Variants in RASGRP3 observed in about 807,000 individuals in gnomAD.
RASGRP3 encodes RAS guanyl releasing protein 3, also known as ras guanyl-releasing protein 3.
RASGRP3 carries 54 observed loss-of-function variants against 82.7 expected under a neutral mutation model. The ratio of observed to expected loss-of-function variants is 0.65; its 90% CI spans 0.52 to 0.82. RASGRP3 has a LOEUF of 0.82. RASGRP3 is among the 40% of genes least tolerant of loss of function. The pLI is 0.00. For missense variants in RASGRP3, 861 were observed against 828.9 expected, an observed-to-expected ratio of 1.04 and a Z score of -0.48; for synonymous variants, 309 against 300.5, an observed-to-expected ratio of 1.03 and a Z score of -0.29.
At chr2:33,558,611 C>T (rs1676281861) in intron 16 of RASGRP3, 61 bp from the exon 17 acceptor site, 4 of 1,429,400 alleles carry the variant, frequency 2.8e-6, no homozygotes, top group Non-Finnish European at 3.8e-6. Context: ...TTGCACTAAC[C>T]TTGATGCTTT....
upstream of RASGRP3, among the ~76,000 whole-genome samples, chr2:33,474,283 T>C (rs1667228969): frequency 6.6e-6 from 1 of 152,202 alleles, no homozygotes; most frequent in Non-Finnish European, 1.5e-5. Flanking sequence ...TTCTCATTAA[T>C]GGTTTGGTAC....
chr2:33,461,382 C>G (rs10779916), intron 2 of RASGRP3, among the ~76,000 whole-genome samples: 125,734 of 152,254 alleles, frequency 0.83, 52,143 homozygotes, highest in African/African-American at 0.89. Context: ...GGGTTCAAGT[C>G]ATTCTCCTGC....
chr2:33,524,154 G>A (rs1475709025), intron 8 of RASGRP3, 102 bp downstream of exon 8: 27 of 1,339,682 alleles, frequency 2.0e-5, no homozygotes, highest in Admixed American at 8.6e-5. Flanking sequence ...TAAGGGCATC[G>A]GACAACTAAA....
At chr2:33,477,998 G>A (rs1299574428) in intron 1 of RASGRP3, among the ~76,000 whole-genome samples, 3 of 151,944 alleles carry the variant, frequency 2.0e-5, no homozygotes, top group African/African-American at 2.4e-5. Context: ...GTTTTCTTTC[G>A]CCCTCTGCCC....
chr2:33,549,943 A>G (rs1265387527), intron 14 of RASGRP3, among the ~76,000 whole-genome samples, 192 bp downstream of exon 14: 2 of 152,252 alleles, frequency 1.3e-5, no homozygotes, highest in Non-Finnish European at 2.9e-5. Context: ...CAGGGCTAGC[A>G]AAAACAGGGA....
At chr2:33,494,109 A>G (rs1669095946) in intron 1 of RASGRP3, among the ~76,000 whole-genome samples, 1 of 152,154 alleles carries the variant, frequency 6.6e-6, no homozygotes, top group South Asian at 2.1e-4. Flanking sequence ...TCACCTTATC[A>G]TTTTGGCCTT....
At position 33,562,730 on chromosome 2, in the gene RASGRP3, A is replaced by G. The variant is rs1188905604; in HGVS notation, c.2066A>G (p.Asp689Gly). Residue 689 changes from aspartate to glycine, a missense_variant and splice_region_variant, in exon 18 of 18, where the codon GAT becomes GGT. By Grantham distance (94) the Asp-to-Gly change is moderately conservative (BLOSUM62 -1). Transcript: ENST00000403687. ...EGEETRQDGE[D>G]G is the part of the protein sequence containing the mutation. Reference sequence around the variant, plus strand: ...AATAGGTTCCAATTTGTGTTTCAGGATGGCTGACTTCAGGCTGCGGAAACT... The same window carrying G: ...AATAGGTTCCAATTTGTGTTTCAGGGTGGCTGACTTCAGGCTGCGGAAACT... The G allele has an allele frequency of 6.2e-7, 1 of 1,613,582 alleles. No homozygotes were observed. Among genetic ancestry groups the G allele is most frequent in the East Asian group, 2.2e-5 (1 of 44,898 alleles).
At chr2:33,500,783 AAGT>A (rs1366461601) in intron 1 of RASGRP3, among the ~76,000 whole-genome samples, 1 of 151,946 alleles carries the variant, frequency 6.6e-6, no homozygotes, top group Middle Eastern at 3.2e-3. Context: ...AAAATACAAA[AAGT>A]AGCCGGACAT....
At chr2:33,467,209 A>C (rs527589143) in intron 2 of RASGRP3, among the ~76,000 whole-genome samples, 1 of 152,144 alleles carries the variant, frequency 6.6e-6, no homozygotes, top group African/African-American at 2.4e-5. Context: ...CACATTGAAC[A>C]CCGGCACTAT....
At position 33,563,107 on chromosome 2, in the gene RASGRP3, A is replaced by ATCCTT. The variant is rs1388282899; in HGVS notation, c.*373_*377dup. On this transcript the variant is annotated 3_prime_UTR_variant, in exon 18 of 18. Coordinates refer to ENST00000403687, the MANE Select transcript of RASGRP3 (RefSeq NM_001139488.2). ...CAGACTTCGCTTTTTTTGTGAGACT[A>ATCCTT]TCCTTTCAATATTTTTATAAACTTT... 2 of 237,440 alleles carry ATCCTT rather than the reference A, an allele frequency of 8.4e-6. No individual in the cohort carries two copies. The highest frequency in any genetic ancestry group is 5.6e-5 in the Admixed American group (1 of 17,908). The allele number at this position is 237,440 out of a possible 1,614,324, so 14.7% of individuals were successfully genotyped here.
At chr2:33,463,201 C>T (rs1016802536) in intron 2 of RASGRP3, among the ~76,000 whole-genome samples, 5 of 152,104 alleles carry the variant, frequency 3.3e-5, no homozygotes, top group African/African-American at 4.8e-5. Context: ...GTGGCATGAA[C>T]GCTAAATTTT....
At chr2:33,547,469 T>C (rs1285460365) in intron 13 of RASGRP3, among the ~76,000 whole-genome samples, 1 of 141,882 alleles carries the variant, frequency 7.0e-6, no homozygotes, top group Non-Finnish European at 1.5e-5. Flanking sequence ...TTCTCAAGCC[T>C]GGGGGAAAAT....
chr2:33,485,886 G>T (rs1244093694), intron 1 of RASGRP3, among the ~76,000 whole-genome samples: 1 of 152,198 alleles, frequency 6.6e-6, no homozygotes, highest in African/African-American at 2.4e-5. Flanking sequence ...TACAAAGATG[G>T]CTGAGACATG....
chr2:33,483,932 T>G (rs150564945), intron 1 of RASGRP3, among the ~76,000 whole-genome samples: 1 of 152,254 alleles, frequency 6.6e-6, no homozygotes, highest in Non-Finnish European at 1.5e-5. Flanking sequence ...GTTAATGAAT[T>G]GACCAAAAGG....
At chr2:33,467,873 C>G (rs1666793096) in intron 2 of RASGRP3, among the ~76,000 whole-genome samples, 1 of 152,220 alleles carries the variant, frequency 6.6e-6, no homozygotes, top group South Asian at 2.1e-4. Flanking sequence ...CGCCCTCTTC[C>G]TGTATCCTTG....
chr2:33,454,810 T>A (rs918232972), intron 2 of RASGRP3, among the ~76,000 whole-genome samples: 4 of 152,224 alleles, frequency 2.6e-5, no homozygotes. Flanking sequence ...TAACTGCTAA[T>A]AGGTTGTAAG....
At chr2:33,549,815 G>A in intron 14 of RASGRP3, 64 bp downstream of exon 14, 2 of 1,513,500 alleles carry the variant, frequency 1.3e-6, no homozygotes, top group Non-Finnish European at 1.8e-6. Flanking sequence ...TGAAAAAGTA[G>A]GAAAATGATA....
At chr2:33,519,066 CTG>C (rs752125872) in intron 4 of RASGRP3, among the ~76,000 whole-genome samples, 3 of 152,170 alleles carry the variant, frequency 2.0e-5, no homozygotes, top group African/African-American at 2.4e-5. Context: ...CTATACATAA[CTG>C]TGCACACTAG....
chr2:33,519,651 T>C (rs540681729), intron 4 of RASGRP3, among the ~76,000 whole-genome samples: 1 of 152,342 alleles, frequency 6.6e-6, no homozygotes, highest in African/African-American at 2.4e-5. Context: ...TAATTATGTA[T>C]AGTTGCCAGA....
Sources: allele counts gnomAD v4.1 joint callset (sites outside exome capture counted in the v4.1 genomes callset), GRCh38; gene constraint gnomAD v4.1.1; transcripts MANE v1.5; gene names NCBI Gene and HGNC (gene_info 2026-07-23, HGNC 2026-07-21).